Variants in PCDHGB2 observed in about 807,000 individuals in gnomAD.
The protein encoded by PCDHGB2 is protocadherin gamma subfamily B, 2.
Under a neutral mutation model 59.3 loss-of-function variants are expected in PCDHGB2, and 55 were observed. The observed-to-expected ratio is 0.93, with a 90% CI of 0.75 to 1.16. PCDHGB2 has a LOEUF of 1.16. PCDHGB2 is among the 50% of genes most tolerant of loss of function. PCDHGB2 has a pLI of 0.00. For synonymous variants in PCDHGB2, 516 were observed against 512.0 expected (o/e 1.01, Z -0.11); for missense variants, 1,228 against 1,198.5 (o/e 1.02, Z -0.36).
At position 141,432,818 on chromosome 5, in the gene PCDHGB2, T is replaced by C. The variant is rs370597280; in HGVS notation, c.2422-61989T>C. On this transcript the variant is annotated intron_variant, in intron 1 of 3. Transcript: ENST00000522605. This position sits in a 1 kb window ranked among gnomAD's most constrained non-coding sequence, Gnocchi z 6.0. The stretch of plus-strand genomic sequence containing the variant: ...CGAGTCTCCAGCTAACTCTGAAACC[T>C]CAGACCTCACTCTGTACCTGGTGGT... 9.9e-6 allele frequency: 16 copies of C among 1,614,106 alleles called. No individual in the cohort carries two copies. The highest frequency in any genetic ancestry group is 1.4e-5 in the Non-Finnish European group (16 of 1,179,986).
intron 1 of PCDHGB2, among the ~76,000 whole-genome samples, chr5:141,469,882 G>A (rs760102003): frequency 2.6e-5 from 4 of 152,280 alleles, no homozygotes; most frequent in Non-Finnish European, 4.4e-5. Context: ...TGTAATCTCG[G>A]CACTTTGGGA....
chr5:141,423,956 A>T, intron 1 of PCDHGB2: 4 of 1,182,724 alleles, frequency 3.4e-6, no homozygotes, highest in Non-Finnish European at 4.2e-6. Context: ...TTTTAGTATT[A>T]TTTTTCTATT....
In PCDHGB2 at chr5:141,382,029, A is replaced by C. The variant is rs574099831; in HGVS notation, c.2421+19473A>C. 4.6e-4 allele frequency among the ~76,000 whole-genome samples: 70 copies of C among 151,618 alleles called. 2 individuals carry two copies. The South Asian group carries it at 0.013, about 28-fold the overall frequency. On this transcript the variant is annotated intron_variant, in intron 1 of 3. Coordinates refer to ENST00000522605, the MANE Select transcript of PCDHGB2 (RefSeq NM_018923.3). Reference sequence around the variant, plus strand: ...TTTTTAGTAGAGACGGGGTTTCTCCATGTTGGTCAGGCTGGTCTCAAGCTC... The same window carrying C: ...TTTTTAGTAGAGACGGGGTTTCTCCCTGTTGGTCAGGCTGGTCTCAAGCTC...
At chr5:141,420,392 G>A (rs1480059498) in intron 1 of PCDHGB2, 2 of 1,268,940 alleles carry the variant, frequency 1.6e-6, no homozygotes, top group East Asian at 5.5e-5. Context: ...CAAAATATAG[G>A]TCAAATTTAT....
intron 1 of PCDHGB2, chr5:141,402,966 C>T (rs749578447): frequency 6.2e-7 from 1 of 1,606,060 alleles, no homozygotes; most frequent in Non-Finnish European, 8.5e-7. Flanking sequence ...GCAGCTCCAA[C>T]CAAATGCCAG....
At chr5:141,502,216 A>G (rs957759583) in intron 2 of PCDHGB2, among the ~76,000 whole-genome samples, 3 of 152,334 alleles carry the variant, frequency 2.0e-5, no homozygotes, top group Admixed American at 6.5e-5. Context: ...GCAGATTTTC[A>G]TAAATGTTCT....
chr5:141,437,074 A>G (rs1455066447), intron 1 of PCDHGB2, among the ~76,000 whole-genome samples: 1 of 152,250 alleles, frequency 6.6e-6, no homozygotes, highest in Non-Finnish European at 1.5e-5. Flanking sequence ...GGTTTGGGCC[A>G]TATAAGAATT....
At chr5:141,399,362 C>G (rs182743080) in intron 1 of PCDHGB2, 1 of 1,613,872 alleles carries the variant, frequency 6.2e-7, no homozygotes, top group Non-Finnish European at 8.5e-7. Context: ...GAGCAAACCC[C>G]GGAGTACAAT....
At chr5:141,374,136 C>A (rs769413254) in intron 1 of PCDHGB2, 3 of 1,605,624 alleles carry the variant, frequency 1.9e-6, no homozygotes, top group Middle Eastern at 1.7e-4. Context: ...CTGCTCCTCA[C>A]GCTCCTGGGG....
intron 1 of PCDHGB2, chr5:141,413,515 G>C: frequency 6.2e-7 from 1 of 1,613,984 alleles, no homozygotes; most frequent in Non-Finnish European, 8.5e-7. Context: ...TAATATCCTT[G>C]TGGAAGACAG....
chr5:141,385,608 T>C, intron 1 of PCDHGB2: 2 of 1,153,978 alleles, frequency 1.7e-6, no homozygotes, highest in Non-Finnish European at 2.2e-6. Context: ...TTAACTCATA[T>C]ATTTTATACA....
At chr5:141,463,438 C>CTTTTTTT (rs71576115) in intron 1 of PCDHGB2, among the ~76,000 whole-genome samples, 6 of 103,252 alleles carry the variant, frequency 5.8e-5, no homozygotes, top group African/African-American at 1.3e-4. Flanking sequence ...TTTCCTTCTC[C>CTTTTTTT]TTTTTTTTTT....
intron 1 of PCDHGB2, chr5:141,371,022 C>T (rs758259761): frequency 1.2e-4 from 200 of 1,613,906 alleles, no homozygotes; most frequent in Non-Finnish European, 1.6e-4. Flanking sequence ...ACATCACCAC[C>T]TGGTCCTCAC....
rs774151451 is a variant in PCDHGB2 at position 141,374,148 on chromosome 5, C to A, written c.2421+11592C>A. On this transcript the variant is annotated intron_variant, in intron 1 of 3. Coordinates refer to ENST00000522605, the MANE Select transcript of PCDHGB2 (RefSeq NM_018923.3). The stretch of plus-strand genomic sequence containing the variant: ...GTCCTGCTCCTCACGCTCCTGGGGA[C>A]GCTGTGGGGGGCCGCGGCAGCGCAG... 1.2e-6 allele frequency: 2 copies of A among 1,611,000 alleles called. No individual in the cohort carries two copies. Among genetic ancestry groups the A allele is most frequent in the African/African-American group, 2.7e-5 (2 of 74,910 alleles).
intron 2 of PCDHGB2, among the ~76,000 whole-genome samples, chr5:141,499,576 G>C (rs2099792836): frequency 1.3e-5 from 2 of 151,790 alleles, no homozygotes; most frequent in Non-Finnish European, 2.9e-5. Context: ...TTCAACTAAT[G>C]CCTTATCTTG....
chr5:141,389,301 A>G (rs2091692161), intron 1 of PCDHGB2: 3 of 1,614,010 alleles, frequency 1.9e-6, no homozygotes, highest in Non-Finnish European at 2.5e-6. Flanking sequence ...TTCACAAGTC[A>G]GGGCTTCTGA....
intron 1 of PCDHGB2, chr5:141,376,677 T>TTTTTTTTTTG: frequency 9.5e-6 from 1 of 105,324 alleles, no homozygotes; most frequent in Non-Finnish European, 1.5e-5. Flanking sequence ...GAGGGTATCG[T>TTTTTTTTTTG]TTTTTTTTTT....
In PCDHGB2 at chr5:141,485,068, T is replaced by C; in HGVS notation, c.2422-9739T>C. On this transcript the variant is annotated intron_variant, in intron 1 of 3. Transcript: ENST00000522605. The surrounding 1 kb of genome is among the most constrained non-coding windows in gnomAD (Gnocchi z 5.7). ...GGCGCCGGCCGAACCGCGCCAGAGCTGGCGCGGGGAAAGGGAGATAGGTGT... is the reference window on the plus strand; with the variant it reads ...GGCGCCGGCCGAACCGCGCCAGAGCCGGCGCGGGGAAAGGGAGATAGGTGT... 1 of 896,972 alleles carries C rather than the reference T, an allele frequency of 1.1e-6. No homozygotes were observed. The highest frequency in any genetic ancestry group is 1.6e-5 in the South Asian group (1 of 61,812). The allele number at this position is 896,972 out of a possible 1,614,324, so 55.6% of individuals were successfully genotyped here. A position where few individuals can be genotyped will look rare whatever the true frequency, so the allele number is the denominator to read the frequency against.
At chr5:141,419,394 G>A (rs778450240) in intron 1 of PCDHGB2, 2 of 1,613,612 alleles carry the variant, frequency 1.2e-6, no homozygotes, top group East Asian at 2.2e-5. Flanking sequence ...GCGCAGAGCG[G>A]GGTGGTGTTC....
Sources: allele counts gnomAD v4.1 joint callset (sites outside exome capture counted in the v4.1 genomes callset), GRCh38; gene constraint gnomAD v4.1.1; non-coding constraint Gnocchi (gnomAD v3.1); transcripts MANE v1.5; gene names NCBI Gene and HGNC (gene_info 2026-07-23, HGNC 2026-07-21).